The following GLYATL2 variants were observed in gnomAD, a reference collection of about 807,000 sequenced individuals.
GLYATL2 encodes glycine N-acyltransferase-like protein 2.
GLYATL2 carries 25 observed loss-of-function variants against 21.4 expected under a neutral mutation model. That is an observed-to-expected ratio of 1.17 (90% CI 0.85 to 1.63). The LOEUF (loss-of-function observed/expected upper bound fraction) is 1.63, where lower values mean the gene tolerates loss of function less well. Among genes scored for constraint, GLYATL2 ranks in the 40% most tolerant of loss-of-function variants. GLYATL2 has a pLI of 0.00. For synonymous variants in GLYATL2, 114 were observed against 118.2 expected, an observed-to-expected ratio of 0.96 and a Z score of 0.23; for missense variants, 361 against 343.3, an observed-to-expected ratio of 1.05 and a Z score of -0.41.
chr11:58,865,155 A>C (rs1854003016), intron 1 of GLYATL2, among the ~76,000 whole-genome samples: 1 of 148,002 alleles, frequency 6.8e-6, no homozygotes, highest in African/African-American at 2.4e-5. Context: ...TCTGCAAAAA[A>C]AAGGAAAGTT....
chr11:58,837,239 T>C (rs11229653), intron 4 of GLYATL2, 32 bp downstream of exon 4: 367,431 of 1,612,324 alleles, frequency 0.23, 46,707 homozygotes, highest in East Asian at 0.49. Context: ...GAATAAACCA[T>C]GGATCTTTTT....
chr11:58,859,130 A>T (rs1021114769), intron 1 of GLYATL2, among the ~76,000 whole-genome samples: 6 of 152,092 alleles, frequency 3.9e-5, no homozygotes, highest in African/African-American at 1.4e-4. Flanking sequence ...CCTGGCCCCC[A>T]ACTGCCACTG....
intron 1 of GLYATL2, among the ~76,000 whole-genome samples, chr11:58,872,801 G>GT (rs1480204176): frequency 1.3e-5 from 2 of 152,198 alleles, no homozygotes; most frequent in African/African-American, 4.8e-5. Flanking sequence ...CTTTCAAGTA[G>GT]TTTTTTCCAA....
intron 1 of GLYATL2, among the ~76,000 whole-genome samples, chr11:58,896,880 C>G (rs1590754912): frequency 6.6e-6 from 1 of 152,186 alleles, no homozygotes; most frequent in East Asian, 1.9e-4. Context: ...TTGGTCCACA[C>G]CTTGATCCCC....
At chr11:58,905,297 C>G, upstream of GLYATL2, 1 of 376,810 alleles carries the variant, frequency 2.7e-6, no homozygotes, top group Non-Finnish European at 5.3e-6. Flanking sequence ...CACGCAGACG[C>G]GGGTGCAGCC....
chr11:58,877,436 T>C (rs1854256900), intron 1 of GLYATL2, among the ~76,000 whole-genome samples: 1 of 152,200 alleles, frequency 6.6e-6, no homozygotes, highest in Admixed American at 6.5e-5. Context: ...GGTAGAATGA[T>C]TTTAAAGTCA....
chr11:58,883,274 CA>C (rs1435876609), intron 1 of GLYATL2, among the ~76,000 whole-genome samples: 2 of 151,962 alleles, frequency 1.3e-5, no homozygotes, highest in Admixed American at 1.3e-4. Context: ...TCAATGAATC[CA>C]GGAGCTGGTT....
At chr11:58,837,780 G>A (rs767395687) in intron 3 of GLYATL2, among the ~76,000 whole-genome samples, 31 of 152,220 alleles carry the variant, frequency 2.0e-4, no homozygotes, top group Non-Finnish European at 4.0e-4. Flanking sequence ...TCCTGACCCA[G>A]GGGGCTGGCT....
chr11:58,879,584 A>T lies in GLYATL2; in HGVS notation n.60+24572T>A, dbSNP rs141327479. Among the ~76,000 whole-genome samples the T allele has an allele frequency of 5.1e-3, 771 of 152,322 alleles. 5 individuals carry two copies. The highest frequency in any genetic ancestry group is 0.018 in the African/African-American group (735 of 41,576). On this transcript the variant is annotated intron_variant and non_coding_transcript_variant, in intron 1 of 4. Coordinates refer to the GLYATL2 transcript ENST00000533636. Reference sequence around the variant, plus strand: ...TGTGAAATAACCCAGACCCAAAAGTATAAATATTATAGGATTCCATTTATA... The same window carrying T: ...TGTGAAATAACCCAGACCCAAAAGTTTAAATATTATAGGATTCCATTTATA...
At chr11:58,876,732 G>A (rs947807261) in intron 1 of GLYATL2, among the ~76,000 whole-genome samples, 1 of 152,236 alleles carries the variant, frequency 6.6e-6, no homozygotes, top group African/African-American at 2.4e-5. Flanking sequence ...GCTACTTGGG[G>A]GTCAGGGGCC....
intron 1 of GLYATL2, among the ~76,000 whole-genome samples, chr11:58,859,414 C>A (rs1259188559): frequency 6.6e-6 from 1 of 152,036 alleles, no homozygotes. Flanking sequence ...GAAAAAAAAA[C>A]TCAGAGAGAG....
At chr11:58,878,257 G>T in intron 1 of GLYATL2, 2 of 384,072 alleles carry the variant, frequency 5.2e-6, no homozygotes, top group South Asian at 8.6e-5. Context: ...TCTTTTATCA[G>T]ACTGTGCCAG....
upstream of GLYATL2, chr11:58,905,356 G>T (rs1565113846): frequency 7.1e-6 from 3 of 420,354 alleles, no homozygotes; most frequent in East Asian, 2.1e-4. Flanking sequence ...GCATCATCAG[G>T]GTGGAGCTCT....
At chr11:58,855,238 A>C (rs569445747) in intron 1 of GLYATL2, among the ~76,000 whole-genome samples, 12 of 152,354 alleles carry the variant, frequency 7.9e-5, no homozygotes, top group African/African-American at 2.9e-4. Context: ...GATAAATAAT[A>C]AGACTTGTAA....
At chr11:58,836,955 C>A (rs1853442101) in intron 5 of GLYATL2, 60 bp downstream of exon 5, 5 of 1,445,596 alleles carry the variant, frequency 3.5e-6, no homozygotes, top group African/African-American at 1.4e-5. Flanking sequence ...CCAAGTACAG[C>A]CTTTGTGGCA....
chr11:58,840,037 G>A (rs1257248046), intron 1 of GLYATL2, among the ~76,000 whole-genome samples: 2 of 151,956 alleles, frequency 1.3e-5, no homozygotes, highest in Non-Finnish European at 2.9e-5. Context: ...CCCAAGCATT[G>A]AAACACTTGC....
Position 58,837,164 on chromosome 11 carries a change from G to A in GLYATL2, c.327C>T (p.Gly109=). The change falls in exon 5 of 6, where the codon GGC becomes GGT. Residue 109 remains glycine (G), a synonymous_variant. Coordinates refer to ENST00000287275, the MANE Select transcript of GLYATL2 (RefSeq NM_145016.4). ...QTLQIQGCQE[G]LDEAIRKVAT... ...CAACCTTTCTTATTGCTTCATCCAA[G>A]CCCTCTTGGCAACCTGGAGAAAGGA... 6.2e-7 allele frequency: 1 copy of A among 1,613,706 alleles called. No homozygotes were observed. Among genetic ancestry groups the A allele is most frequent in the Non-Finnish European group, 8.5e-7 (1 of 1,179,830 alleles).
intron 1 of GLYATL2, among the ~76,000 whole-genome samples, chr11:58,865,110 C>T (rs1854001643): frequency 7.0e-6 from 1 of 143,628 alleles, no homozygotes; most frequent in Admixed American, 7.5e-5. Context: ...ACACATACAG[C>T]TTTTTCTATG....
chr11:58,885,663 C>G (rs771265084), intron 1 of GLYATL2: 1 of 281,338 alleles, frequency 3.6e-6, no homozygotes, highest in East Asian at 8.2e-5. Context: ...TTAAAACACT[C>G]CTTCAGTACT....
Sources: gnomAD v4.1 joint callset for allele counts (sites outside exome capture counted in the v4.1 genomes callset) on GRCh38, gnomAD v4.1.1 for gene constraint, MANE v1.5 for transcripts, NCBI Gene and HGNC (gene_info 2026-07-23, HGNC 2026-07-21) for gene names.